TTLL6: variants seen among roughly 807,000 people sequenced by gnomAD.
TTLL6 encodes the protein tubulin polyglutamylase TTLL6.
Under a neutral mutation model 96.4 loss-of-function variants are expected in TTLL6, and 75 were observed. The ratio of observed to expected loss-of-function variants is 0.78; its 90% CI spans 0.65 to 0.94. The LOEUF is 0.94. TTLL6 is among the 40% of genes least tolerant of loss of function. TTLL6 has a pLI of 0.00. For missense variants in TTLL6, 1,030 were observed against 1,093.0 expected, an observed-to-expected ratio of 0.94 and a Z score of 0.81; for synonymous variants, 411 against 419.4, an observed-to-expected ratio of 0.98 and a Z score of 0.24.
In TTLL6 at chr17:48,779,353, C is replaced by CAAAAAA. The variant is rs35763170; in HGVS notation, c.2040+5564_2040+5569dup. On this transcript the variant is annotated intron_variant, in intron 13 of 15. Coordinates refer to ENST00000393382, the MANE Select transcript of TTLL6 (RefSeq NM_001130918.3). ...TGGGCAACAGAGCAAGACTCTGTCT[C>CAAAAAA]AAAAAAAAAAAAAAAAAAAAAAAAA... Among the ~76,000 whole-genome samples, 70 of 46,118 alleles carry CAAAAAA rather than the reference C, an allele frequency of 1.5e-3. 2 individuals are homozygous for CAAAAAA. The highest frequency in any genetic ancestry group is 1.9e-3 in the Non-Finnish European group (50 of 26,804). The allele number at this position is 46,118 out of a possible 152,430, so 30.3% of individuals were successfully genotyped here. A position where few individuals can be genotyped will look rare whatever the true frequency, so the allele number is the denominator to read the frequency against.
chr17:48,783,841 T>TA lies in TTLL6; in HGVS notation c.2040+1081dup, dbSNP rs2039036280. On this transcript the variant is annotated intron_variant, in intron 13 of 15. Transcript: ENST00000393382. ...CTGCTTTTATGCTTGTATATATTCA[T>TA]AAAAATAATTTAAGTCTACAATGGG... Among the ~76,000 whole-genome samples, 3 of 152,166 alleles carry TA rather than the reference T, an allele frequency of 2.0e-5. No homozygotes were observed. In the South Asian group the frequency reaches 6.2e-4, roughly 32 times the overall value.
chr17:48,784,337 A>G (rs1338194315), intron 13 of TTLL6, among the ~76,000 whole-genome samples: 4 of 152,122 alleles, frequency 2.6e-5, no homozygotes, highest in African/African-American at 9.7e-5. Flanking sequence ...CATGGGAGGC[A>G]GAGGTTGCAG....
intron 13 of TTLL6, among the ~76,000 whole-genome samples, chr17:48,779,835 C>T (rs1413481261): frequency 6.6e-6 from 1 of 151,858 alleles, no homozygotes; most frequent in Non-Finnish European, 1.5e-5. Flanking sequence ...ATTCCATTTA[C>T]GTAAAATTCT....
chr17:48,814,857 G>A (rs1398946069), intron 1 of TTLL6, among the ~76,000 whole-genome samples: 3 of 152,134 alleles, frequency 2.0e-5, no homozygotes, highest in Non-Finnish European at 4.4e-5. Flanking sequence ...TCAGCTCACC[G>A]CAACCTCTGC....
intron 1 of TTLL6, among the ~76,000 whole-genome samples, chr17:48,808,052 A>G (rs2039530051): frequency 6.6e-6 from 1 of 151,740 alleles, no homozygotes; most frequent in Admixed American, 6.6e-5. Context: ...GTTAGCCAGG[A>G]TGGTCTCAAT....
chr17:48,789,312 G>A, intron 10 of TTLL6, among the ~76,000 whole-genome samples: 1 of 152,136 alleles, frequency 6.6e-6, no homozygotes, highest in East Asian at 1.9e-4. Flanking sequence ...TTTCCAAATG[G>A]GATTATCGTT....
At chr17:48,764,491 A>G (rs1414410590) in intron 15 of TTLL6, among the ~76,000 whole-genome samples, 2 of 152,146 alleles carry the variant, frequency 1.3e-5, no homozygotes, top group Non-Finnish European at 2.9e-5. Context: ...CCAACCTCAC[A>G]TTGTCAATGT....
intron 13 of TTLL6, among the ~76,000 whole-genome samples, chr17:48,771,472 T>C (rs1038223188): frequency 1.3e-5 from 2 of 151,848 alleles, no homozygotes; most frequent in Admixed American, 6.6e-5. Context: ...TCTAAAATAA[T>C]TGTTTAAAAA....
chr17:48,796,035 A>G, intron 8 of TTLL6, 26 bp downstream of exon 8: 1 of 1,540,954 alleles, frequency 6.5e-7, no homozygotes, highest in Non-Finnish European at 8.8e-7. Flanking sequence ...TAGGGAAAGG[A>G]AAGAAAAATG....
intron 15 of TTLL6, among the ~76,000 whole-genome samples, chr17:48,767,250 C>G (rs1818856530): frequency 6.6e-6 from 1 of 152,128 alleles, no homozygotes; most frequent in Non-Finnish European, 1.5e-5. Flanking sequence ...TTCCCAGGGC[C>G]CCTTCCCAGC....
intron 2 of TTLL6, chr17:48,804,287 T>TC (rs1567734848): frequency 2.0e-6 from 1 of 500,680 alleles, no homozygotes; most frequent in Non-Finnish European, 3.9e-6. Context: ...TCCTTCCTCT[T>TC]CCCCCCATTA....
At chr17:48,786,029 C>T (rs183853036) in intron 12 of TTLL6, 135 bp downstream of exon 12, 39 of 1,336,656 alleles carry the variant, frequency 2.9e-5, no homozygotes, top group South Asian at 1.6e-4. Flanking sequence ...CGCACCGCCC[C>T]GTCGTTGCCC....
At chr17:48,794,301 C>A (rs772748877) in intron 8 of TTLL6, 1 of 1,612,666 alleles carries the variant, frequency 6.2e-7, no homozygotes, top group East Asian at 2.2e-5. Flanking sequence ...AAATGAGAAC[C>A]TTTCCATTCT....
chr17:48,779,780 G>A (rs1470535407), intron 13 of TTLL6, among the ~76,000 whole-genome samples: 1 of 152,108 alleles, frequency 6.6e-6, no homozygotes, highest in Admixed American at 6.6e-5. Flanking sequence ...CAGAGATATG[G>A]TACTGAGCCA....
chr17:48,794,023 G>A (rs2039275583), intron 8 of TTLL6, among the ~76,000 whole-genome samples: 1 of 152,170 alleles, frequency 6.6e-6, no homozygotes, highest in African/African-American at 2.4e-5. Flanking sequence ...AGGAGAGATG[G>A]ACCTGGAGCC....
At chr17:48,782,688 G>A (rs1412083127) in intron 13 of TTLL6, among the ~76,000 whole-genome samples, 2 of 152,040 alleles carry the variant, frequency 1.3e-5, no homozygotes, top group African/African-American at 4.8e-5. Flanking sequence ...AATTAATCTG[G>A]TAGGTTGTAA....
chr17:48,782,123 T>TTTA (rs2038998424), intron 13 of TTLL6, among the ~76,000 whole-genome samples: 2 of 128,304 alleles, frequency 1.6e-5, no homozygotes, highest in African/African-American at 5.7e-5. Flanking sequence ...TTTTTTTTTT[T>TTTA]GAGACAGAGT....
chr17:48,764,346 C>T (rs1006934216), intron 15 of TTLL6, among the ~76,000 whole-genome samples: 1 of 152,140 alleles, frequency 6.6e-6, no homozygotes, highest in African/African-American at 2.4e-5. Context: ...AAGTTCATGG[C>T]CAGATGGTAG....
At chr17:48,784,284 A>G (rs1182670746) in intron 13 of TTLL6, among the ~76,000 whole-genome samples, 1 of 151,584 alleles carries the variant, frequency 6.6e-6, no homozygotes, top group Non-Finnish European at 1.5e-5. Flanking sequence ...GTGTGCCTGC[A>G]GTCCCAGCTA....
Sources: gnomAD v4.1 joint callset for allele counts (sites outside exome capture counted in the v4.1 genomes callset) on GRCh38, gnomAD v4.1.1 for gene constraint, MANE v1.5 for transcripts, NCBI Gene and HGNC (gene_info 2026-07-23, HGNC 2026-07-21) for gene names.